The following ZGRF1 variants were observed in gnomAD, a reference collection of about 807,000 sequenced individuals.
The protein encoded by ZGRF1 is 5'-3' DNA helicase ZGRF1.
In ZGRF1, 196 loss-of-function variants were observed where a neutral mutation model predicts 203.5. The observed-to-expected ratio is 0.96, with a 90% CI of 0.86 to 1.08. ZGRF1 has a LOEUF of 1.08. Among genes scored for constraint, ZGRF1 ranks in the 50% least tolerant of loss-of-function variants. ZGRF1 has a pLI of 0.00. For missense variants in ZGRF1, 2,326 were observed against 2,416.3 expected, an observed-to-expected ratio of 0.96 and a Z score of 0.78; for synonymous variants, 809 against 841.3, an observed-to-expected ratio of 0.96 and a Z score of 0.66.
At chr4:112,542,891 A>G (rs533407157) in intron 24 of ZGRF1, among the ~76,000 whole-genome samples, 1 of 151,336 alleles carries the variant, frequency 6.6e-6, no homozygotes, top group South Asian at 2.1e-4. Flanking sequence ...TGGTGAGATC[A>G]TAACTCACTG....
intron 6 of ZGRF1, among the ~76,000 whole-genome samples, chr4:112,615,145 T>C (rs1459266071): frequency 6.6e-6 from 1 of 152,156 alleles, no homozygotes; most frequent in East Asian, 1.9e-4. Flanking sequence ...GTGTTTGCAG[T>C]GACTTCACAG....
intron 7 of ZGRF1, 68 bp downstream of exon 7, chr4:112,612,456 T>C: frequency 9.5e-7 from 1 of 1,051,434 alleles, no homozygotes; most frequent in Non-Finnish European, 1.4e-6. Context: ...TTACTATAAT[T>C]CTATTACAAA....
intron 10 of ZGRF1, among the ~76,000 whole-genome samples, chr4:112,593,556 T>G (rs547124726): frequency 6.6e-6 from 1 of 152,214 alleles, no homozygotes; most frequent in African/African-American, 2.4e-5. Flanking sequence ...GAAGACTCTA[T>G]GTCTATGTCT....
intron 3 of ZGRF1, among the ~76,000 whole-genome samples, chr4:112,625,664 A>T (rs1023533700): frequency 1.3e-4 from 20 of 151,650 alleles, no homozygotes; most frequent in African/African-American, 4.4e-4. Context: ...TGGGAGGCTG[A>T]GGCGGGCAGA....
At position 112,633,210 on chromosome 4, in the gene ZGRF1, A is replaced by C; in HGVS notation, c.-34T>G. On this transcript the variant is annotated 5_prime_UTR_variant, in exon 2 of 28. Transcript: ENST00000505019. ...CTGAAGTTATAAACCAGCTGGGTCC[A>C]GAAAATAGGAAATATTCAACTATTT... 6.3e-7 allele frequency: 1 copy of C among 1,576,938 alleles called. No individual in the cohort carries two copies. The highest frequency in any genetic ancestry group is 8.7e-7 in the Non-Finnish European group (1 of 1,149,732).
At chr4:112,563,373 T>C in intron 16 of ZGRF1, 99 bp from the exon 17 acceptor site, 1 of 784,898 alleles carries the variant, frequency 1.3e-6, no homozygotes, top group Non-Finnish European at 2.0e-6. Context: ...TACATATATC[T>C]ATAGTACACA....
intron 10 of ZGRF1, among the ~76,000 whole-genome samples, chr4:112,599,541 A>C (rs1351158898): frequency 6.6e-6 from 1 of 151,374 alleles, no homozygotes; most frequent in South Asian, 2.1e-4. Context: ...GCAATATAGC[A>C]AGACCCTGTG....
At chr4:112,626,045 C>A (rs1353370900) in intron 3 of ZGRF1, among the ~76,000 whole-genome samples, 2 of 151,900 alleles carry the variant, frequency 1.3e-5, no homozygotes, top group African/African-American at 4.8e-5. Context: ...CAAAAATGTC[C>A]AGAATAGGTA....
At position 112,541,171 on chromosome 4, in the gene ZGRF1, C is replaced by T. The variant is rs1447353761; in HGVS notation, c.5696G>A (p.Gly1899Asp). Residue 1899 changes from glycine to aspartate, a missense_variant, in exon 25 of 28, where the codon GGT becomes GAT. Physicochemically the swap from Gly to Asp is moderately conservative, Grantham distance 94 (BLOSUM62 -1). Transcript: ENST00000505019. ...DLFYKGALMNGVTEIERSPLL... is the reference protein window; with the variant it reads ...DLFYKGALMNDVTEIERSPLL... ...AGGGCTCCGCTCTATTTCTGTTACA[C>T]CATTCATGAGGGCTCCTTTGTAAAA... 6.2e-7 allele frequency: 1 copy of T among 1,612,298 alleles called. No homozygotes were observed. Among genetic ancestry groups the T allele is most frequent in the South Asian group, 1.1e-5 (1 of 90,674 alleles).
chr4:112,628,158 T>A (rs951542433), intron 3 of ZGRF1, among the ~76,000 whole-genome samples: 13 of 152,208 alleles, frequency 8.5e-5, no homozygotes, highest in Non-Finnish European at 1.6e-4. Flanking sequence ...TAGTCAAAAA[T>A]TAGATAAAAG....
chr4:112,564,548 TA>T (rs1374553970), intron 16 of ZGRF1, among the ~76,000 whole-genome samples: 1 of 152,202 alleles, frequency 6.6e-6, no homozygotes, highest in African/African-American at 2.4e-5. Flanking sequence ...AGTAATTATT[TA>T]ATCATATGCA....
intron 10 of ZGRF1, among the ~76,000 whole-genome samples, chr4:112,594,566 C>T (rs1748691219): frequency 6.6e-6 from 1 of 151,860 alleles, no homozygotes; most frequent in South Asian, 2.1e-4. Context: ...GATTCTCCTG[C>T]CTCAGTCTCC....
chr4:112,629,912 A>G, intron 3 of ZGRF1: 1 of 296,876 alleles, frequency 3.4e-6, no homozygotes, highest in South Asian at 2.6e-5. Context: ...CCAGCTACTC[A>G]GGAGGCTGAG....
intron 3 of ZGRF1, among the ~76,000 whole-genome samples, chr4:112,626,175 T>C (rs973661473): frequency 2.0e-5 from 3 of 152,154 alleles, no homozygotes; most frequent in Non-Finnish European, 4.4e-5. Context: ...AAATTTAAAT[T>C]GTGCTAATGG....
At chr4:112,572,493 C>A (rs954660289) in intron 16 of ZGRF1, among the ~76,000 whole-genome samples, 1 of 152,118 alleles carries the variant, frequency 6.6e-6, no homozygotes, top group Non-Finnish European at 1.5e-5. Context: ...TAGGCTAAGA[C>A]TTCATGACCA....
chr4:112,623,801 A>G lies in ZGRF1; in HGVS notation c.162+16T>C. On this transcript the variant is annotated intron_variant, in intron 4 of 27. Coordinates refer to ENST00000505019, the MANE Select transcript of ZGRF1 (RefSeq NM_018392.5). ...TTAAATAATAACTTAAAAATAAGAT[A>G]AACACACTAAAATACCTCAAGGCAT... is the stretch of plus-strand genomic sequence containing the variant. The G allele has an allele frequency of 7.2e-7, 1 of 1,386,698 alleles. No homozygotes were observed. The highest frequency in any genetic ancestry group is 1.0e-6 in the Non-Finnish European group (1 of 990,122). The allele number at this position is 1,386,698 out of a possible 1,614,324, so 85.9% of individuals were successfully genotyped here. A position where few individuals can be genotyped will look rare whatever the true frequency, so the allele number is the denominator to read the frequency against.
At chr4:112,541,028 C>T in intron 25 of ZGRF1, 64 bp downstream of exon 25, 1 of 1,544,146 alleles carries the variant, frequency 6.5e-7, no homozygotes, top group Non-Finnish European at 8.8e-7. Flanking sequence ...ATCATACAAA[C>T]AACAACAAAA....
At position 112,617,810 on chromosome 4, in the gene ZGRF1, A is replaced by T. The variant is rs765310396; in HGVS notation, c.2232T>A (p.Asn744Lys). The T allele has an allele frequency of 1.2e-6, 2 of 1,613,978 alleles. No homozygotes were observed. The highest frequency in any genetic ancestry group is 1.7e-6 in the Non-Finnish European group (2 of 1,179,892). The change falls in exon 6 of 28, where the codon AAT becomes AAA. Residue 744 changes from asparagine to lysine, a missense_variant. Physicochemically the swap from Asn to Lys is moderately conservative, Grantham distance 94 (BLOSUM62 0). Coordinates refer to ENST00000505019, the MANE Select transcript of ZGRF1 (RefSeq NM_018392.5). ...GTGCAATACATTCATAGTGATTCTG[A>T]TTGGTATTTAATAGTTGGACACTGT... Reference protein sequence around the residue: ...SDNSVQLLNTNQNHYECIALD... With the variant: ...SDNSVQLLNTKQNHYECIALD...
chr4:112,553,179 T>C (rs1444709587), intron 22 of ZGRF1, among the ~76,000 whole-genome samples: 2 of 152,186 alleles, frequency 1.3e-5, no homozygotes, highest in Non-Finnish European at 2.9e-5. Flanking sequence ...ACAACTTTCT[T>C]TTACTCCATC....
Sources: allele counts gnomAD v4.1 joint callset (sites outside exome capture counted in the v4.1 genomes callset), GRCh38; gene constraint gnomAD v4.1.1; transcripts MANE v1.5; gene names NCBI Gene and HGNC (gene_info 2026-07-23, HGNC 2026-07-21).